Variants in C12orf54 observed in about 807,000 individuals in gnomAD.
The protein encoded by C12orf54 is uncharacterized protein C12orf54.
A neutral mutation model predicts 26.4 loss-of-function variants in C12orf54; 24 were observed. That is an observed-to-expected ratio of 0.91 (90% CI 0.66 to 1.28). The LOEUF (loss-of-function observed/expected upper bound fraction) is 1.28, where lower values mean the gene tolerates loss of function less well. Ranked by LOEUF, C12orf54 falls within the 50% of genes most tolerant of loss-of-function variation. The pLI, the probability that C12orf54 is intolerant of heterozygous loss-of-function variation, is 0.00. For missense variants in C12orf54, 154 were observed against 150.9 expected (o/e 1.02, Z -0.11); for synonymous variants, 54 against 47.0 (o/e 1.15, Z -0.61).
upstream of C12orf54, among the ~76,000 whole-genome samples, chr12:48,482,122 T>A (rs561218987): frequency 1.3e-4 from 20 of 152,320 alleles, no homozygotes; most frequent in Admixed American, 9.8e-4. Context: ...TTTGGTGATT[T>A]TCTAGGTCAA....
chr12:48,485,471 G>A (rs1954249252), intron 2 of C12orf54, among the ~76,000 whole-genome samples: 1 of 152,114 alleles, frequency 6.6e-6, no homozygotes, highest in Non-Finnish European at 1.5e-5. Context: ...GGCAGGAACT[G>A]TACTAGCAGG....
upstream of C12orf54, among the ~76,000 whole-genome samples, chr12:48,478,615 G>C (rs1169057188): frequency 2.0e-5 from 3 of 152,048 alleles, no homozygotes; most frequent in Non-Finnish European, 4.4e-5. Context: ...CAGACAAACA[G>C]AGAGCCAAAT....
chr12:48,476,432 T>C, the C12orf54 span, among the ~76,000 whole-genome samples: 17 of 152,150 alleles, frequency 1.1e-4, no homozygotes, highest in South Asian at 4.1e-4. Flanking sequence ...AATGCTCCAA[T>C]TAAAAGACAC....
intron 4 of C12orf54, chr12:48,488,388 G>A: frequency 2.1e-6 from 1 of 476,516 alleles, no homozygotes; most frequent in Non-Finnish European, 4.0e-6. Context: ...GTCAGCAACT[G>A]AATTCCAGTT....
At chr12:48,491,459 G>A (rs1018212004) in intron 6 of C12orf54, among the ~76,000 whole-genome samples, 2 of 152,186 alleles carry the variant, frequency 1.3e-5, no homozygotes, top group African/African-American at 4.8e-5. Context: ...AGGTGACATA[G>A]GCATTCAGTC....
At chr12:48,461,684 G>A in the C12orf54 span, among the ~76,000 whole-genome samples, 2 of 151,706 alleles carry the variant, frequency 1.3e-5, no homozygotes, top group Non-Finnish European at 1.5e-5. Flanking sequence ...TTTTGAACTA[G>A]ATACAAATGG....
the C12orf54 span, chr12:48,472,797 G>A: frequency 2.5e-6 from 4 of 1,614,118 alleles, no homozygotes; most frequent in South Asian, 4.4e-5. Flanking sequence ...TGAAGAACTG[G>A]AATTATTAAA....
At chr12:48,454,281 A>T in the C12orf54 span, among the ~76,000 whole-genome samples, 1 of 151,558 alleles carries the variant, frequency 6.6e-6, no homozygotes. Flanking sequence ...TTGTATTTTT[A>T]CTAGAGACAG....
intron 4 of C12orf54, among the ~76,000 whole-genome samples, chr12:48,487,001 C>A (rs1431136218): frequency 6.6e-6 from 1 of 152,170 alleles, no homozygotes; most frequent in Non-Finnish European, 1.5e-5. Flanking sequence ...CCCCAATTCT[C>A]AGTGATTGCT....
At chr12:48,438,292 TA>T in the C12orf54 span, among the ~76,000 whole-genome samples, 1 of 152,210 alleles carries the variant, frequency 6.6e-6, no homozygotes, top group Non-Finnish European at 1.5e-5. Context: ...TGCTCATTGG[TA>T]GGAAGAATCA....
chr12:48,414,190 G>A, the C12orf54 span, among the ~76,000 whole-genome samples: 2 of 152,200 alleles, frequency 1.3e-5, no homozygotes, highest in Non-Finnish European at 2.9e-5. Context: ...CCAGTTCTCT[G>A]TGCTGTGCAA....
chr12:48,439,640 T>C, the C12orf54 span, among the ~76,000 whole-genome samples: 8 of 152,004 alleles, frequency 5.3e-5, no homozygotes, highest in East Asian at 7.8e-4. Context: ...AGCAAACTAT[T>C]GCAAGGACAA....
At chr12:48,419,560 T>TA in the C12orf54 span, among the ~76,000 whole-genome samples, 1 of 151,680 alleles carries the variant, frequency 6.6e-6, no homozygotes, top group Non-Finnish European at 1.5e-5. Context: ...AATAGAGAAA[T>TA]AAAAACAAGA....
chr12:48,492,712 G>A (rs17123108), intron 6 of C12orf54, among the ~76,000 whole-genome samples: 22,265 of 152,208 alleles, frequency 0.15, 2,855 homozygotes, highest in East Asian at 0.66. Flanking sequence ...TCAGTTCCCA[G>A]CCCTGGATGA....
At chr12:48,460,758 C>A in the C12orf54 span, among the ~76,000 whole-genome samples, 1 of 151,794 alleles carries the variant, frequency 6.6e-6, no homozygotes, top group African/African-American at 2.4e-5. Flanking sequence ...AGCTATAAAC[C>A]ATAAAGCAGC....
intron 6 of C12orf54, 63 bp from the exon 7 acceptor site, chr12:48,492,884 G>C (rs1937821671): frequency 6.3e-6 from 9 of 1,437,634 alleles, no homozygotes; most frequent in Admixed American, 3.4e-5. Context: ...ATGTGAGCTG[G>C]GCAGCTGGGG....
upstream of C12orf54, among the ~76,000 whole-genome samples, chr12:48,480,439 T>G (rs1954187001): frequency 6.7e-6 from 1 of 148,928 alleles, no homozygotes; most frequent in African/African-American, 2.5e-5. Flanking sequence ...GAATTTTTGC[T>G]GTGCAAAACT....
chr12:48,444,119 T>C, the C12orf54 span, among the ~76,000 whole-genome samples: 1 of 152,242 alleles, frequency 6.6e-6, no homozygotes, highest in Non-Finnish European at 1.5e-5. Flanking sequence ...ATCTCTTCCT[T>C]GATTCCTAAA....
At chr12:48,445,385 T>C in the C12orf54 span, among the ~76,000 whole-genome samples, 1 of 152,114 alleles carries the variant, frequency 6.6e-6, no homozygotes, top group Non-Finnish European at 1.5e-5. Flanking sequence ...CCCAAAGCAG[T>C]GTGTTTTGCT....
Sources: allele counts gnomAD v4.1 joint callset (sites outside exome capture counted in the v4.1 genomes callset), GRCh38; gene constraint gnomAD v4.1.1; transcripts MANE v1.5; gene names NCBI Gene and HGNC (gene_info 2026-07-23, HGNC 2026-07-21).